The following BAG6 variants were observed in gnomAD, a reference collection of about 807,000 sequenced individuals.
BAG6 encodes the protein large proline-rich protein BAG6.
Under a neutral mutation model 121.0 loss-of-function variants are expected in BAG6, and 22 were observed. That is an observed-to-expected ratio of 0.18 (90% confidence interval 0.13 to 0.26). The LOEUF is 0.26. Ranked by LOEUF, BAG6 falls within the 10% of genes least tolerant of loss-of-function variation. The probability of loss-of-function intolerance (pLI) is 1.00; values close to 1 mark genes in which losing one functional copy is unlikely to be tolerated. For missense variants in BAG6, 1,233 were observed against 1,537.7 expected, an observed-to-expected ratio of 0.80 and a Z score of 3.31; for synonymous variants, 583 against 584.6, an observed-to-expected ratio of 1.00 and a Z score of 0.04.
Position 31,641,613 on chromosome 6 carries a change from G to A in BAG6, c.2506-21C>T. The A allele has an allele frequency of 6.2e-7, 1 of 1,614,068 alleles. No individual in the cohort carries two copies. ...GCCATCTGTGGAGGAAACAGAACAG[G>A]TTTAGTTCAAAGCCTCAGTCCTCCC... On this transcript the variant is annotated intron_variant, in intron 17 of 25. Transcript: ENST00000676615. The surrounding 1 kb of genome is among the most constrained non-coding windows in gnomAD (Gnocchi z 5.7).
At chr6:31,647,976 A>G (rs1300580345) in intron 6 of BAG6, 150 bp from the exon 7 acceptor site, 6 of 1,083,794 alleles carry the variant, frequency 5.5e-6, no homozygotes, top group Admixed American at 8.0e-5. Context: ...AGCAACTAGC[A>G]TAAGACTGAC....
At chr6:31,652,007 G>A (rs968294465) in intron 1 of BAG6, 54 of 479,214 alleles carry the variant, frequency 1.1e-4, no homozygotes, top group Admixed American at 9.4e-5. Flanking sequence ...GGGGCTCCAC[G>A]ACGCCAATCA....
chr6:31,643,385 A>C (rs1472341510), intron 14 of BAG6, among the ~76,000 whole-genome samples: 1 of 150,890 alleles, frequency 6.6e-6, no homozygotes, highest in Non-Finnish European at 1.5e-5. Flanking sequence ...GCACCATTGC[A>C]CTCCAGTCTG....
Position 31,641,602 on chromosome 6 carries a change from A to C in BAG6, c.2506-10T>G. 2 of 1,614,092 alleles carry C rather than the reference A, an allele frequency of 1.2e-6. No homozygotes were observed. The highest frequency in any genetic ancestry group is 1.7e-6 in the Non-Finnish European group (2 of 1,179,956). On this transcript the variant is annotated splice_polypyrimidine_tract_variant and intron_variant, in intron 17 of 25. Coordinates refer to ENST00000676615, the MANE Select transcript of BAG6 (RefSeq NM_001387994.1). This position sits in a 1 kb window ranked among gnomAD's most constrained non-coding sequence, Gnocchi z 5.7. ...ATGTGTGGGTTGCCATCTGTGGAGGAAACAGAACAGGTTTAGTTCAAAGCC... is the reference window on the plus strand; with the variant it reads ...ATGTGTGGGTTGCCATCTGTGGAGGCAACAGAACAGGTTTAGTTCAAAGCC...
chr6:31,642,563 C>T, intron 15 of BAG6, 160 bp from the exon 16 acceptor site: 1 of 629,532 alleles, frequency 1.6e-6, no homozygotes, highest in Non-Finnish European at 2.8e-6. Flanking sequence ...AGGTATTTAA[C>T]AGAGTCAGGC....
intron 7 of BAG6, among the ~76,000 whole-genome samples, 162 bp downstream of exon 7, chr6:31,647,429 C>T (rs929541877): frequency 2.0e-5 from 3 of 152,174 alleles, no homozygotes; most frequent in Non-Finnish European, 4.4e-5. Context: ...CCTGTCCTAG[C>T]GTCATTTACC....
intron 2 of BAG6, 78 bp from the exon 3 acceptor site, chr6:31,649,705 A>G (rs574044890): frequency 2.7e-4 from 349 of 1,293,806 alleles, no homozygotes; most frequent in Non-Finnish European, 3.7e-4. Context: ...CGAGTTGTGG[A>G]GGTGAGGGGT....
At chr6:31,651,816 G>T in intron 1 of BAG6, 40 bp from the exon 2 acceptor site, 1 of 1,504,572 alleles carries the variant, frequency 6.6e-7, no homozygotes, top group Non-Finnish European at 9.2e-7. Flanking sequence ...CTGTTGCCCA[G>T]ACCAGAGTGT....
rs770879553 is a variant in BAG6, at chr6:31,640,937, C to T, written c.2789G>A (p.Arg930His). The T allele has an allele frequency of 3.7e-6, 6 of 1,611,832 alleles. No homozygotes were observed. The highest frequency in any genetic ancestry group is 4.2e-6 in the Non-Finnish European group (5 of 1,179,396). ...ELAAVINGRI[R>H]RMSRGVNPSL... ...GGGATTCACCCCACGAGACATACGA[C>T]GCTGAGGGACAGAAAGCAGATTTAG... Residue 930 changes from arginine (R) to histidine (H), a missense_variant and splice_region_variant, in exon 21 of 26, where the codon CGT (arginine) becomes CAT (histidine). Arg to His is a conservative substitution (Grantham distance 29, BLOSUM62 0). This residue lies in a region of BAG6 where 288 missense variants were observed against 483.1 expected (regional missense o/e 0.60). Coordinates refer to ENST00000676615, the MANE Select transcript of BAG6 (RefSeq NM_001387994.1). This position sits in a 1 kb window ranked among gnomAD's most constrained non-coding sequence, Gnocchi z 4.2.
intron 15 of BAG6, 89 bp downstream of exon 15, chr6:31,642,740 C>A (rs1157548966): frequency 1.4e-5 from 21 of 1,473,476 alleles, no homozygotes; most frequent in Non-Finnish European, 1.9e-5. Flanking sequence ...GGGGCTCTTA[C>A]CCAGTGGTTA....
chr6:31,646,967 G>A (rs1347831531), intron 7 of BAG6, among the ~76,000 whole-genome samples: 1 of 151,828 alleles, frequency 6.6e-6, no homozygotes, highest in Non-Finnish European at 1.5e-5. Context: ...TAGAGACGGG[G>A]TTTCATCATG....
At position 31,641,890 on chromosome 6, in the gene BAG6, T is replaced by TA. The variant is rs1360001995; in HGVS notation, c.2390dup (p.Val798SerfsTer36). 6.2e-7 allele frequency: 1 copy of TA among 1,612,858 alleles called. No homozygotes were observed. ...GGAAATGCCCATGGAGAAGCATCAC[T>TA]ACGTCCACCATAGAGAAGTTCTGGC... On this transcript the variant is annotated frameshift_variant, in exon 17 of 26. Transcript: ENST00000676615. LOFTEE classifies it high-confidence loss of function. This position sits in a 1 kb window ranked among gnomAD's most constrained non-coding sequence, Gnocchi z 5.7.
intron 14 of BAG6, among the ~76,000 whole-genome samples, chr6:31,643,617 A>T (rs1785201314): frequency 6.8e-6 from 1 of 147,838 alleles, no homozygotes; most frequent in Non-Finnish European, 1.5e-5. Flanking sequence ...CCAGCTACTC[A>T]GGAGGCTGAG....
rs1781069320 is a variant in BAG6, at chr6:31,640,078, C to G, written c.3246+121G>C. The G allele has an allele frequency of 1.0e-6, 1 of 1,001,350 alleles. No individual in the cohort carries two copies. The highest frequency in any genetic ancestry group is 1.6e-5 in the African/African-American group (1 of 61,240). The allele number at this position is 1,001,350 out of a possible 1,614,324, so 62.0% of individuals were successfully genotyped here. A position where few individuals can be genotyped will look rare whatever the true frequency, so the allele number is the denominator to read the frequency against. The stretch of plus-strand genomic sequence containing the variant: ...GTCTGAATCCCAGAAAAAGTTTCCT[C>G]ATTAAACGAGGGGAGGGGAGACTGA... On this transcript the variant is annotated intron_variant, in intron 24 of 25. Coordinates refer to ENST00000676615, the MANE Select transcript of BAG6 (RefSeq NM_001387994.1). This position sits in a 1 kb window ranked among gnomAD's most constrained non-coding sequence, Gnocchi z 4.2.
At chr6:31,648,583 C>A in intron 6 of BAG6, 94 bp downstream of exon 6, 1 of 1,248,448 alleles carries the variant, frequency 8.0e-7, no homozygotes. Flanking sequence ...AAGGCCAAAC[C>A]CTGTGGATGT....
intron 14 of BAG6, 76 bp from the exon 15 acceptor site, chr6:31,643,191 C>T: frequency 1.4e-6 from 2 of 1,456,376 alleles, no homozygotes; most frequent in Non-Finnish European, 1.8e-6. Context: ...TTTGGGAGGC[C>T]AAGGCATGAG....
intron 25 of BAG6, 61 bp from the exon 26 acceptor site, chr6:31,639,287 G>T: frequency 6.6e-7 from 1 of 1,505,940 alleles, no homozygotes; most frequent in Admixed American, 1.8e-5. Flanking sequence ...ATCCCAGCAA[G>T]CACACAAGGC....
At chr6:31,648,592 G>A (rs1183635121) in intron 6 of BAG6, 85 bp downstream of exon 6, 59 of 1,307,026 alleles carry the variant, frequency 4.5e-5, no homozygotes, top group Non-Finnish European at 6.1e-5. Context: ...CCCTGTGGAT[G>A]TGGCCAGTGA....
At position 31,647,710 on chromosome 6, in the gene BAG6, A is replaced by G. The variant is rs1474198312; in HGVS notation, c.669T>C (p.Pro223=). 1 of 1,603,210 alleles carries G rather than the reference A, an allele frequency of 6.2e-7. No individual in the cohort carries two copies. Among genetic ancestry groups the G allele is most frequent in the Non-Finnish European group, 8.5e-7 (1 of 1,176,434 alleles). Residue 223 remains proline (P), a synonymous_variant, in exon 7 of 26, where the codon CCT becomes CCC. Transcript: ENST00000676615. ...CTTCTGCCTCCATGGGCTCCCGGGG[A>G]GGTGCTTCACTTTCAACTGGTTCTG... ...QTSEPVESEA[P]PREPMEAEEV...
Sources: gnomAD v4.1 joint callset for allele counts (sites outside exome capture counted in the v4.1 genomes callset) on GRCh38, gnomAD v4.1.1 for gene constraint, gnomAD v4.1.1 regional missense constraint, Gnocchi (gnomAD v3.1) non-coding constraint, MANE v1.5 for transcripts, NCBI Gene and HGNC (gene_info 2026-07-23, HGNC 2026-07-21) for gene names.